SPAG5: variants seen among roughly 807,000 people sequenced by gnomAD.
SPAG5 encodes sperm associated antigen 5.
Under a neutral mutation model 145.4 loss-of-function variants are expected in SPAG5, and 99 were observed. The observed-to-expected ratio is 0.68, with a 90% CI of 0.58 to 0.80. The LOEUF is 0.80. Among genes scored for constraint, SPAG5 ranks in the 30% least tolerant of loss-of-function variants. SPAG5 has a pLI of 0.00. For synonymous variants in SPAG5, 477 were observed against 525.4 expected, an observed-to-expected ratio of 0.91 and a Z score of 1.26; for missense variants, 1,192 against 1,416.0, an observed-to-expected ratio of 0.84 and a Z score of 2.54.
Position 28,591,814 on chromosome 17 carries a change from A to G in SPAG5, c.1321T>C (p.Ser441Pro), listed in dbSNP as rs1163051355. ...GAGAGAACCTCCAGAATGACAAGAG[A>G]GCTCAGCAGGTTATCTTCCAAGTCA... ...RHDLEDNLLS[S>P]LVILEVLSRQ... Residue 441 changes from serine (S) to proline (P), a missense_variant, in exon 4 of 24, where the codon TCT becomes CCT. Transcript: ENST00000321765. 6.2e-7 allele frequency: 1 copy of G among 1,614,114 alleles called. No homozygotes were observed. Among genetic ancestry groups the G allele is most frequent in the Non-Finnish European group, 8.5e-7 (1 of 1,180,026 alleles).
intron 4 of SPAG5, among the ~76,000 whole-genome samples, chr17:28,588,330 G>A (rs1205385220): frequency 6.6e-6 from 1 of 152,140 alleles, no homozygotes. Context: ...CTGCTTCAGT[G>A]GCCTACAAAG....
chr17:28,578,167 AT>A, intron 22 of SPAG5, 50 bp downstream of exon 22: 7 of 1,610,158 alleles, frequency 4.3e-6, no homozygotes, highest in Non-Finnish European at 6.0e-6. Flanking sequence ...ATGGCGGGGC[AT>A]TTGTTAACGA....
At position 28,578,768 on chromosome 17, in the gene SPAG5, A is replaced by T; in HGVS notation, c.3118-16T>A. ...CCTTTTCATTCTGTGAGGGAAAGGG[A>T]GGTGAGAAGACACATGAAGAGCTGG... On this transcript the variant is annotated splice_polypyrimidine_tract_variant and intron_variant, in intron 19 of 23. Coordinates refer to ENST00000321765, the MANE Select transcript of SPAG5 (RefSeq NM_006461.4). 6.2e-7 allele frequency: 1 copy of T among 1,604,344 alleles called. No homozygotes were observed. The highest frequency in any genetic ancestry group is 1.3e-5 in the African/African-American group (1 of 74,772).
intron 2 of SPAG5, among the ~76,000 whole-genome samples, chr17:28,598,210 C>A (rs2070681971): frequency 6.6e-6 from 1 of 152,152 alleles, no homozygotes; most frequent in Admixed American, 6.5e-5. Flanking sequence ...CCGTAAGTGA[C>A]CCCATGTTGG....
rs968024156 is a variant in SPAG5 at position 28,599,005 on chromosome 17, C to G, written c.-59G>C. 1 of 1,552,224 alleles carries G rather than the reference C, an allele frequency of 6.4e-7. No homozygotes were observed. The highest frequency in any genetic ancestry group is 8.9e-7 in the Non-Finnish European group (1 of 1,124,186). On this transcript the variant is annotated 5_prime_UTR_variant, in exon 1 of 24. Transcript: ENST00000321765. Reference sequence around the variant, plus strand: ...ACCAAGTCGAGGACGCCATGTTCACCCGCCGTCTGTGTTTGAACCTGCTCT... The same window carrying G: ...ACCAAGTCGAGGACGCCATGTTCACGCGCCGTCTGTGTTTGAACCTGCTCT...
At chr17:28,593,955 C>T (rs2070642289) in intron 2 of SPAG5, among the ~76,000 whole-genome samples, 1 of 151,474 alleles carries the variant, frequency 6.6e-6, no homozygotes, top group Non-Finnish European at 1.5e-5. Flanking sequence ...GAATTACTGG[C>T]CTGGACAAGT....
Position 28,577,739 on chromosome 17 carries a change from C to G in SPAG5, c.3542G>C (p.Gly1181Ala). The G allele has an allele frequency of 6.2e-7, 1 of 1,613,988 alleles. No individual in the cohort carries two copies. Among genetic ancestry groups the G allele is most frequent in the African/African-American group, 1.3e-5 (1 of 75,030 alleles). ...TLLSIPEVVR[G>A]CKELQGLLEF... ...CAGCAATCCCTGTAGTTCTTTGCAT[C>G]CCCTCACCACCTCTGGAATAGAGAG... The change falls in exon 24 of 24, where the codon GGA (glycine) becomes GCA (alanine). Residue 1181 changes from glycine to alanine, a missense_variant. Gly to Ala is a moderately conservative substitution (Grantham distance 60, BLOSUM62 0). Transcript: ENST00000321765.
chr17:28,590,517 A>C (rs1380378486), intron 4 of SPAG5, among the ~76,000 whole-genome samples: 1 of 152,130 alleles, frequency 6.6e-6, no homozygotes, highest in Non-Finnish European at 1.5e-5. Flanking sequence ...GGGGTGAGCC[A>C]CTATGCCAGC....
chr17:28,597,201 G>C (rs1447839021), intron 2 of SPAG5, among the ~76,000 whole-genome samples: 2 of 152,176 alleles, frequency 1.3e-5, no homozygotes, highest in East Asian at 3.8e-4. Flanking sequence ...CGGACCACTT[G>C]AGGTCAGGAG....
intron 11 of SPAG5, 56 bp from the exon 12 acceptor site, chr17:28,584,536 A>C (rs972692236): frequency 6.2e-7 from 1 of 1,611,912 alleles, no homozygotes; most frequent in African/African-American, 1.3e-5. Flanking sequence ...AAACTCCCCA[A>C]ACTTCTGCTC....
At chr17:28,579,883 G>T in intron 16 of SPAG5, 46 bp from the exon 17 acceptor site, 1 of 1,582,640 alleles carries the variant, frequency 6.3e-7, no homozygotes, top group Non-Finnish European at 8.7e-7. Context: ...TGATGATCCA[G>T]GCAGGGGTCT....
chr17:28,594,155 T>C (rs983153637), intron 2 of SPAG5, among the ~76,000 whole-genome samples: 2 of 152,150 alleles, frequency 1.3e-5, no homozygotes, highest in Non-Finnish European at 2.9e-5. Context: ...AGACCTGAGT[T>C]TGCACATTAA....
At chr17:28,580,651 CAT>C (rs1221607053) in intron 15 of SPAG5, 1 of 152,312 alleles carries the variant, frequency 6.6e-6, no homozygotes, top group Non-Finnish European at 1.5e-5. Context: ...GCTTCCAGGA[CAT>C]GAGTCTCTCT....
chr17:28,589,612 T>C (rs1229568408), intron 4 of SPAG5, among the ~76,000 whole-genome samples: 1 of 152,158 alleles, frequency 6.6e-6, no homozygotes. Context: ...ATTTTTATGC[T>C]TTAAAGTATG....
At chr17:28,584,822 C>T in intron 10 of SPAG5, 77 bp from the exon 11 acceptor site, 1 of 1,158,152 alleles carries the variant, frequency 8.6e-7, no homozygotes, top group Non-Finnish European at 1.3e-6. Context: ...GCTTCTCTTT[C>T]TGGACAAGAC....
intron 4 of SPAG5, among the ~76,000 whole-genome samples, chr17:28,588,100 T>C (rs1182343523): frequency 6.6e-6 from 1 of 152,246 alleles, no homozygotes; most frequent in Non-Finnish European, 1.5e-5. Context: ...TGCTGATTTC[T>C]TGGAGTTCAT....
chr17:28,584,675 A>C lies in SPAG5; in HGVS notation c.2138T>G (p.Leu713Trp). 1.9e-6 allele frequency: 3 copies of C among 1,614,104 alleles called. No homozygotes were observed. The South Asian group carries it at 3.3e-5, about 18-fold the overall frequency. ...ECKGQTEQLE[L>W]ENSRLATDLR... is the part of the protein sequence containing the mutation. ...ACCTGTTGCTAGACGACTGTTTTCC[A>C]ACTCCAGTTGTTCTGTTTGGCCTTT... The change falls in exon 11 of 24, where the codon TTG (leucine) becomes TGG (tryptophan). Residue 713 changes from leucine (L) to tryptophan (W), a missense_variant. Physicochemically the swap from Leu to Trp is moderately conservative, Grantham distance 61 (BLOSUM62 -2). This residue lies in a region of SPAG5 where 709 missense variants were observed against 840.7 expected (regional missense o/e 0.84). Coordinates refer to ENST00000321765, the MANE Select transcript of SPAG5 (RefSeq NM_006461.4).
Position 28,592,059 on chromosome 17 carries a change from T to C in SPAG5, c.1185A>G (p.Glu395=). The C allele has an allele frequency of 1.2e-6, 2 of 1,614,170 alleles. No homozygotes were observed. Among genetic ancestry groups the C allele is most frequent in the East Asian group, 2.2e-5 (1 of 44,876 alleles). The change falls in exon 3 of 24, where the codon GAA becomes GAG. Residue 395 remains glutamate (E), a synonymous_variant. Transcript: ENST00000321765. ...CTGTCTGGGATGTGTTTGTACTCTT[T>C]TCCTGTGGTGCTGAAGGAGTAAACC... ...GTWFTPSAPQ[E]KSTNTSQTGL... is the part of the protein sequence containing the mutation.
At chr17:28,584,913 T>G (rs1477574877) in intron 10 of SPAG5, among the ~76,000 whole-genome samples, 168 bp from the exon 11 acceptor site, 3 of 152,186 alleles carry the variant, frequency 2.0e-5, no homozygotes, top group Non-Finnish European at 2.9e-5. Context: ...AGGAGAAAAG[T>G]TGCTGAAGTA....
Sources: allele counts gnomAD v4.1 joint callset (sites outside exome capture counted in the v4.1 genomes callset), GRCh38; gene constraint gnomAD v4.1.1; regional missense constraint gnomAD v4.1.1; transcripts MANE v1.5; gene names NCBI Gene and HGNC (gene_info 2026-07-23, HGNC 2026-07-21).